Variants in TAX1BP1 observed in about 807,000 individuals in gnomAD.
The protein encoded by TAX1BP1 is tax1-binding protein 1.
TAX1BP1 carries 62 observed loss-of-function variants against 97.7 expected under a neutral mutation model. The observed-to-expected ratio is 0.63, with a 90% CI of 0.52 to 0.78. TAX1BP1 has a LOEUF of 0.78. Ranked by LOEUF, TAX1BP1 falls within the 30% of genes least tolerant of loss-of-function variation. The pLI, the probability that TAX1BP1 is intolerant of heterozygous loss-of-function variation, is 0.00. For synonymous variants in TAX1BP1, 340 were observed against 304.2 expected (o/e 1.12, Z -1.23); for missense variants, 867 against 916.1 (o/e 0.95, Z 0.69).
At chr7:27,753,356 G>A (rs60428324) in intron 2 of TAX1BP1, among the ~76,000 whole-genome samples, 2,801 of 152,240 alleles carry the variant, frequency 0.018, 82 homozygotes, top group African/African-American at 0.061. Flanking sequence ...TTAAACCAAC[G>A]TTAATTGCAG....
chr7:27,780,673 C>G (rs563374089), intron 5 of TAX1BP1, among the ~76,000 whole-genome samples: 3 of 151,960 alleles, frequency 2.0e-5, no homozygotes, highest in Non-Finnish European at 4.4e-5. Context: ...CAATTGTCAT[C>G]AAGAAAAGAT....
At chr7:27,818,842 G>A (rs1213630616) in intron 15 of TAX1BP1, among the ~76,000 whole-genome samples, 1 of 152,116 alleles carries the variant, frequency 6.6e-6, no homozygotes, top group Non-Finnish European at 1.5e-5. Flanking sequence ...AGGAAACCAA[G>A]AGACAGATTA....
chr7:27,757,824 C>G (rs1788280491), intron 2 of TAX1BP1, among the ~76,000 whole-genome samples: 1 of 151,978 alleles, frequency 6.6e-6, no homozygotes, highest in African/African-American at 2.4e-5. Context: ...AGTAGAAACT[C>G]TACTATTCAA....
At chr7:27,777,722 C>G (rs1291698782) in intron 5 of TAX1BP1, among the ~76,000 whole-genome samples, 1 of 152,164 alleles carries the variant, frequency 6.6e-6, no homozygotes, top group Non-Finnish European at 1.5e-5. Flanking sequence ...CTCCATAACT[C>G]AGGGAGACCA....
intron 13 of TAX1BP1, among the ~76,000 whole-genome samples, chr7:27,801,138 A>AT (rs1031888351): frequency 1.3e-5 from 2 of 151,450 alleles, no homozygotes; most frequent in African/African-American, 2.4e-5. Flanking sequence ...GAGAAAAAAA[A>AT]AAAACAGGCT....
At chr7:27,797,668 GT>G (rs1164936453) in intron 12 of TAX1BP1, among the ~76,000 whole-genome samples, 1 of 151,360 alleles carries the variant, frequency 6.6e-6, no homozygotes, top group Non-Finnish European at 1.5e-5. Flanking sequence ...AGAGAATCCT[GT>G]GGAAGGGTTG....
At chr7:27,786,207 C>T (rs1789473738) in intron 7 of TAX1BP1, among the ~76,000 whole-genome samples, 2 of 151,650 alleles carry the variant, frequency 1.3e-5, no homozygotes, top group Middle Eastern at 3.4e-3. Flanking sequence ...TCTCGGCCCA[C>T]TGCAAGCTCT....
At chr7:27,761,065 GT>G (rs1057159567) in intron 3 of TAX1BP1, among the ~76,000 whole-genome samples, 1 of 152,132 alleles carries the variant, frequency 6.6e-6, no homozygotes. Flanking sequence ...AAAATGTCCT[GT>G]TTTTTTATCA....
intron 15 of TAX1BP1, among the ~76,000 whole-genome samples, chr7:27,825,711 G>C (rs1399836526): frequency 1.3e-5 from 2 of 151,982 alleles, no homozygotes; most frequent in East Asian, 3.9e-4. Context: ...CAGTTTGTCT[G>C]AGTCTGGAAC....
At chr7:27,819,624 T>C (rs991794034) in intron 15 of TAX1BP1, among the ~76,000 whole-genome samples, 8 of 152,222 alleles carry the variant, frequency 5.3e-5, no homozygotes, top group African/African-American at 1.9e-4. Flanking sequence ...TACATCCTGA[T>C]AAACCCATCA....
At chr7:27,777,078 T>C in intron 5 of TAX1BP1, among the ~76,000 whole-genome samples, 1 of 152,276 alleles carries the variant, frequency 6.6e-6, no homozygotes, top group Middle Eastern at 3.4e-3. Context: ...ATACACATGT[T>C]TAAATGTCCG....
At chr7:27,750,641 TG>T (rs1787986211) in intron 2 of TAX1BP1, among the ~76,000 whole-genome samples, 3 of 152,212 alleles carry the variant, frequency 2.0e-5, no homozygotes, top group Admixed American at 1.3e-4. Context: ...TGAAGGACAG[TG>T]GGAAGTCTTT....
intron 13 of TAX1BP1, among the ~76,000 whole-genome samples, chr7:27,806,297 G>A (rs1790335130): frequency 6.6e-6 from 1 of 151,878 alleles, no homozygotes; most frequent in South Asian, 2.1e-4. Context: ...TGTTGGCTAG[G>A]CTGGTCTCAA....
chr7:27,807,277 T>A (rs1055321504), intron 13 of TAX1BP1, among the ~76,000 whole-genome samples: 2 of 152,170 alleles, frequency 1.3e-5, no homozygotes, highest in African/African-American at 4.8e-5. Context: ...AGTTTAACAC[T>A]GACACAGTAT....
chr7:27,828,874 A>C lies in TAX1BP1; in HGVS notation c.*45A>C. ...AATATAGTTTAGCAGTAAAAAAAAA[A>C]AAAAAAACCACACCTAAAATAGACC... On this transcript the variant is annotated 3_prime_UTR_variant, in exon 17 of 17. Transcript: ENST00000396319. 1 of 1,502,676 alleles carries C rather than the reference A, an allele frequency of 6.7e-7. No individual in the cohort carries two copies. The highest frequency in any genetic ancestry group is 9.0e-7 in the Non-Finnish European group (1 of 1,111,116). The allele number at this position is 1,502,676 out of a possible 1,614,324, so 93.1% of individuals were successfully genotyped here. A position where few individuals can be genotyped will look rare whatever the true frequency, so the allele number is the denominator to read the frequency against.
rs138566884 is a variant in TAX1BP1 at position 27,823,901 on chromosome 7, A to T, written c.2086-3837A>T. Among the ~76,000 whole-genome samples the T allele has an allele frequency of 1.2e-3, 185 of 152,296 alleles. 1 individual carries two copies. The highest frequency in any genetic ancestry group is 4.2e-3 in the African/African-American group (174 of 41,568). On this transcript the variant is annotated intron_variant, in intron 15 of 16. Transcript: ENST00000396319. The stretch of plus-strand genomic sequence containing the variant: ...GTGGCTTATTTCACTTAGCATAATG[A>T]CTTCAAGGTTCATCCATGTTGTAAA...
In TAX1BP1 at chr7:27,785,153, C is replaced by G. The variant is rs1789425284; in HGVS notation, c.613-10C>G. ...GTGTTTTCTCAAAATACCTTGTTGT[C>G]ACTTCTCAGGGTCTTACTGAAGTAA... On this transcript the variant is annotated splice_polypyrimidine_tract_variant and intron_variant, in intron 5 of 16. Transcript: ENST00000396319. The G allele has an allele frequency of 6.3e-7, 1 of 1,588,016 alleles. No homozygotes were observed. The highest frequency in any genetic ancestry group is 1.4e-5 in the African/African-American group (1 of 73,338).
chr7:27,746,720 CTT>C (rs10588942), intron 1 of TAX1BP1, among the ~76,000 whole-genome samples: 53,249 of 151,658 alleles, frequency 0.35, 10,301 homozygotes, highest in East Asian at 0.65. Flanking sequence ...TGAATATACT[CTT>C]TATCTTGGAA....
intron 2 of TAX1BP1, among the ~76,000 whole-genome samples, chr7:27,756,024 G>A (rs1788198065): frequency 6.6e-6 from 1 of 152,148 alleles, no homozygotes; most frequent in African/African-American, 2.4e-5. Flanking sequence ...GTGTCCTGTA[G>A]CATTGAGCAG....
Sources: gnomAD v4.1 joint callset for allele counts (sites outside exome capture counted in the v4.1 genomes callset) on GRCh38, gnomAD v4.1.1 for gene constraint, MANE v1.5 for transcripts, NCBI Gene and HGNC (gene_info 2026-07-23, HGNC 2026-07-21) for gene names.